PEBP4: variants seen among roughly 807,000 people sequenced by gnomAD.
PEBP4 encodes the protein phosphatidylethanolamine binding protein 4, also known as phosphatidylethanolamine-binding protein 4.
A neutral mutation model predicts 23.9 loss-of-function variants in PEBP4; 22 were observed. The observed-to-expected ratio is 0.92, with a 90% CI of 0.66 to 1.31. The LOEUF (loss-of-function observed/expected upper bound fraction) is 1.31, where lower values mean the gene tolerates loss of function less well. PEBP4 is among the 40% of genes most tolerant of loss of function. The probability of loss-of-function intolerance (pLI) is 0.00; values close to 1 mark genes in which losing one functional copy is unlikely to be tolerated. For synonymous variants in PEBP4, 112 were observed against 99.3 expected, an observed-to-expected ratio of 1.13 and a Z score of -0.76; for missense variants, 324 against 281.7, an observed-to-expected ratio of 1.15 and a Z score of -1.07.
intron 4 of PEBP4, among the ~76,000 whole-genome samples, chr8:22,815,348 G>T (rs942764596): frequency 2.0e-5 from 3 of 152,200 alleles, no homozygotes; most frequent in Non-Finnish European, 4.4e-5. Flanking sequence ...GGGTGGGGTA[G>T]TGCCTAGGCA....
intron 4 of PEBP4, among the ~76,000 whole-genome samples, chr8:22,728,372 C>G (rs1337760201): frequency 6.6e-6 from 1 of 152,162 alleles, no homozygotes; most frequent in African/African-American, 2.4e-5. Context: ...TCTTCCAAGG[C>G]TGGTTCCTAT....
intron 3 of PEBP4, among the ~76,000 whole-genome samples, chr8:22,892,690 A>C (rs1019890574): frequency 6.6e-6 from 1 of 152,240 alleles, no homozygotes; most frequent in African/African-American, 2.4e-5. Context: ...GTTCCAGCCA[A>C]GATAGAGTAT....
At chr8:22,762,117 G>A (rs149702758) in intron 4 of PEBP4, among the ~76,000 whole-genome samples, 3 of 149,136 alleles carry the variant, frequency 2.0e-5, no homozygotes, top group East Asian at 4.0e-4. Context: ...AATTTAAATC[G>A]GCAAAAAAAT....
At chr8:22,768,969 G>C (rs575001354) in intron 4 of PEBP4, among the ~76,000 whole-genome samples, 2 of 152,298 alleles carry the variant, frequency 1.3e-5, no homozygotes, top group South Asian at 4.1e-4. Context: ...ACTAGGAGCT[G>C]GGCAGAGTGG....
intron 3 of PEBP4, among the ~76,000 whole-genome samples, chr8:22,889,952 A>C (rs1288889404): frequency 1.3e-5 from 2 of 152,174 alleles, no homozygotes; most frequent in Non-Finnish European, 2.9e-5. Context: ...TTTCTTTTCC[A>C]ATTTATTTTT....
intron 3 of PEBP4, among the ~76,000 whole-genome samples, chr8:22,848,140 C>G (rs1011037466): frequency 1.3e-5 from 2 of 151,940 alleles, no homozygotes; most frequent in African/African-American, 4.8e-5. Flanking sequence ...GCTGTAAATA[C>G]CTTAAATCAT....
At chr8:22,905,237 A>C (rs1227066023) in intron 3 of PEBP4, among the ~76,000 whole-genome samples, 1 of 152,054 alleles carries the variant, frequency 6.6e-6, no homozygotes, top group African/African-American at 2.4e-5. Context: ...CCATATTTTT[A>C]ATGAACTTTC....
At chr8:22,868,137 G>C (rs1173190815) in intron 3 of PEBP4, among the ~76,000 whole-genome samples, 1 of 152,204 alleles carries the variant, frequency 6.6e-6, no homozygotes, top group Non-Finnish European at 1.5e-5. Context: ...TGTCAGTAGA[G>C]AGGGAAGACA....
chr8:22,774,488 A>G (rs10105341), intron 4 of PEBP4, among the ~76,000 whole-genome samples: 38,543 of 152,134 alleles, frequency 0.25, 5,167 homozygotes, highest in African/African-American at 0.32. Context: ...GCAGCTGTCT[A>G]CTCACTGACA....
At chr8:22,728,125 C>T (rs1484608549) in intron 4 of PEBP4, among the ~76,000 whole-genome samples, 1 of 152,096 alleles carries the variant, frequency 6.6e-6, no homozygotes, top group Admixed American at 6.5e-5. Flanking sequence ...GCCCTGGCTA[C>T]CTTTTCACCA....
chr8:22,770,344 C>T (rs904196153), intron 4 of PEBP4, among the ~76,000 whole-genome samples: 4 of 152,220 alleles, frequency 2.6e-5, no homozygotes, highest in Non-Finnish European at 5.9e-5. Context: ...CAATCGCAGT[C>T]CCCCTTCCAA....
intron 4 of PEBP4, among the ~76,000 whole-genome samples, chr8:22,813,789 G>A (rs776159713): frequency 1.8e-4 from 28 of 152,192 alleles, no homozygotes; most frequent in Non-Finnish European, 2.6e-4. Flanking sequence ...TTATGTATCT[G>A]TCTCTGCCTG....
At chr8:22,734,526 TG>T (rs1804813981) in intron 4 of PEBP4, among the ~76,000 whole-genome samples, 2 of 152,256 alleles carry the variant, frequency 1.3e-5, no homozygotes, top group East Asian at 1.9e-4. Context: ...TCATGGGCAG[TG>T]GGGACAGCTT....
upstream of PEBP4, among the ~76,000 whole-genome samples, chr8:22,932,852 A>G (rs372296722): frequency 2.0e-4 from 31 of 152,212 alleles, no homozygotes; most frequent in East Asian, 3.3e-3. Context: ...TAAAAATACA[A>G]AAATTAGCCA....
At chr8:22,776,933 A>C (rs1416370289) in intron 4 of PEBP4, among the ~76,000 whole-genome samples, 1 of 151,844 alleles carries the variant, frequency 6.6e-6, no homozygotes, top group Non-Finnish European at 1.5e-5. Flanking sequence ...ATTGGGGTAC[A>C]ACCAGGGCAG....
rs1020016795 is a variant in PEBP4, at chr8:22,775,448, G to A, written c.357+42189C>T. Among the ~76,000 whole-genome samples, 1 of 152,154 alleles carries A rather than the reference G, an allele frequency of 6.6e-6. No homozygotes were observed. The highest frequency in any genetic ancestry group is 2.4e-5 in the African/African-American group (1 of 41,434). ...TTTACAACCATGCCGGGAGGGGTGC[G>A]CAGGGGCCCGTGGGTGGTGTTCACG... On this transcript the variant is annotated intron_variant, in intron 4 of 6. Transcript: ENST00000256404. The surrounding 1 kb of genome is among the most constrained non-coding windows in gnomAD (Gnocchi z 4.8).
chr8:22,911,158 T>C (rs1430666108), intron 3 of PEBP4, among the ~76,000 whole-genome samples: 2 of 152,172 alleles, frequency 1.3e-5, no homozygotes, highest in African/African-American at 4.8e-5. Context: ...GATCTGTTGT[T>C]TCCTCGCCTG....
intron 4 of PEBP4, among the ~76,000 whole-genome samples, chr8:22,746,715 A>G (rs1805127480): frequency 6.6e-6 from 1 of 151,322 alleles, no homozygotes; most frequent in Admixed American, 6.6e-5. Context: ...ATTTCTTCTG[A>G]CCATTCGATC....
At chr8:22,919,050 G>A (rs1000447002) in intron 3 of PEBP4, among the ~76,000 whole-genome samples, 24 of 152,306 alleles carry the variant, frequency 1.6e-4, no homozygotes, top group African/African-American at 5.5e-4. Context: ...CTCATAACTT[G>A]CGAGCCATAT....
Sources: gnomAD v4.1 joint callset for allele counts (sites outside exome capture counted in the v4.1 genomes callset) on GRCh38, gnomAD v4.1.1 for gene constraint, Gnocchi (gnomAD v3.1) non-coding constraint, MANE v1.5 for transcripts, NCBI Gene and HGNC (gene_info 2026-07-23, HGNC 2026-07-21) for gene names.